The following VPS11 variants were observed in gnomAD, a reference collection of about 807,000 sequenced individuals.
The protein encoded by VPS11 is VPS11 core subunit of CORVET and HOPS complexes, also known as vacuolar protein sorting-associated protein 11 homolog.
A neutral mutation model predicts 106.8 loss-of-function variants in VPS11; 51 were observed. That is an observed-to-expected ratio of 0.48 (90% confidence interval 0.38 to 0.60). The LOEUF (loss-of-function observed/expected upper bound fraction) is 0.60. VPS11 is among the 20% of genes least tolerant of loss of function. The probability of loss-of-function intolerance (pLI) is 0.00; values close to 1 mark genes in which losing one functional copy is unlikely to be tolerated. For synonymous variants in VPS11, 453 were observed against 458.7 expected (o/e 0.99, Z 0.16); for missense variants, 950 against 1,190.0 (o/e 0.80, Z 2.97).
At chr11:119,069,954 C>A (rs1309430596) in intron 3 of VPS11, among the ~76,000 whole-genome samples, 1 of 150,834 alleles carries the variant, frequency 6.6e-6, no homozygotes, top group Non-Finnish European at 1.5e-5. Context: ...GCCAAGATCG[C>A]GCCATTGCAC....
At chr11:119,080,801 C>T (rs1265674394) in intron 14 of VPS11, among the ~76,000 whole-genome samples, 3 of 152,188 alleles carry the variant, frequency 2.0e-5, no homozygotes, top group Non-Finnish European at 2.9e-5. Flanking sequence ...GTGAAAGGGT[C>T]ACATCTGAGT....
At position 119,068,443 on chromosome 11, in the gene VPS11, C is replaced by CTTTTTTTTTTTT. The variant is rs1945208004; in HGVS notation, c.187+433_187+434insTTTTTTTTTTTT. Among the ~76,000 whole-genome samples, 3 of 35,796 alleles carry CTTTTTTTTTTTT rather than the reference C, an allele frequency of 8.4e-5. 1 individual carries two copies. The highest frequency in any genetic ancestry group is 8.2e-5 in the Non-Finnish European group (1 of 12,250). 23.5% of individuals were successfully genotyped at this position (35,796 alleles called of 152,430 possible). ...CTGCTACTAAATTCTGGCCTTTTTA[C>CTTTTTTTTTTTT]CTTTTTTTTTTTTTTTTTTTTTTTG... On this transcript the variant is annotated intron_variant, in intron 1 of 15. Coordinates refer to ENST00000621676, the MANE Select transcript of VPS11 (RefSeq NM_021729.6).
At position 119,070,300 on chromosome 11, in the gene VPS11, A is replaced by G; in HGVS notation, c.539A>G (p.Gln180Arg). ...ACCCGGGACCGGCATAGCAAGACCC[A>G]GATTTTGCACAAGGGCAACTATCCT... ...DITRDRHSKT[Q>R]ILHKGNYPVT... is the part of the protein sequence containing the mutation. Residue 180 changes from glutamine (Q) to arginine (R), a missense_variant, in exon 4 of 16, where the codon CAG becomes CGG. By Grantham distance (43) the Gln-to-Arg change is conservative. Transcript: ENST00000621676. 3 of 1,613,398 alleles carry G rather than the reference A, an allele frequency of 1.9e-6. No homozygotes were observed. Among genetic ancestry groups the G allele is most frequent in the Non-Finnish European group, 1.7e-6 (2 of 1,179,554 alleles).
At chr11:119,071,447 A>G (rs1945388669) in intron 4 of VPS11, 149 bp from the exon 5 acceptor site, 1 of 894,398 alleles carries the variant, frequency 1.1e-6, no homozygotes, top group African/African-American at 1.7e-5. Flanking sequence ...TAGATGGGTA[A>G]TGGTTAATGA....
At chr11:119,075,794 C>G (rs1198909902) in intron 7 of VPS11, among the ~76,000 whole-genome samples, 2 of 151,754 alleles carry the variant, frequency 1.3e-5, no homozygotes, top group African/African-American at 2.4e-5. Flanking sequence ...CCCAGCCACT[C>G]GCAAAGCTGA....
chr11:119,073,090 A>G (rs536188642), intron 5 of VPS11, 108 bp from the exon 6 acceptor site: 3 of 1,247,896 alleles, frequency 2.4e-6, no homozygotes, highest in East Asian at 2.5e-5. Context: ...GGGACCAGAG[A>G]GGTGATTTGT....
chr11:119,072,052 G>A lies in VPS11; in HGVS notation c.884+209G>A, dbSNP rs1484963889. The A allele has an allele frequency of 1.1e-4, 58 of 535,484 alleles. 1 individual carries two copies. The South Asian group carries it at 1.2e-3, about 11-fold the overall frequency. The allele number at this position is 535,484 out of a possible 1,614,324, so 33.2% of individuals were successfully genotyped here. ...CGTGATCTCGGCTCACTGCAGCCTCGCCTCCTGGGTTCCAGTGATACTCCT... is the reference window on the plus strand; with the variant it reads ...CGTGATCTCGGCTCACTGCAGCCTCACCTCCTGGGTTCCAGTGATACTCCT... On this transcript the variant is annotated intron_variant, in intron 5 of 15. Coordinates refer to ENST00000621676, the MANE Select transcript of VPS11 (RefSeq NM_021729.6).
intron 14 of VPS11, among the ~76,000 whole-genome samples, chr11:119,080,296 G>C (rs373354420): frequency 6.6e-5 from 10 of 152,220 alleles, no homozygotes; most frequent in African/African-American, 2.4e-4. Context: ...GACTTCAGGG[G>C]ATCTGCCTGC....
intron 3 of VPS11, 33 bp from the exon 4 acceptor site, chr11:119,070,201 C>T: frequency 6.3e-7 from 1 of 1,581,572 alleles, no homozygotes; most frequent in Non-Finnish European, 8.6e-7. Context: ...ATCTTTTCAG[C>T]CTTACTGAAG....
intron 14 of VPS11, 128 bp from the exon 15 acceptor site, chr11:119,080,964 C>T: frequency 1.3e-6 from 1 of 782,424 alleles, no homozygotes; most frequent in Non-Finnish European, 2.2e-6. Flanking sequence ...ATAAGAAGAG[C>T]AGGGCAGGGC....
At chr11:119,080,880 T>G (rs782014596) in intron 14 of VPS11, among the ~76,000 whole-genome samples, 1 of 152,198 alleles carries the variant, frequency 6.6e-6, no homozygotes, top group Non-Finnish European at 1.5e-5. Flanking sequence ...CCAGGCTGAG[T>G]TGGCCTTGTT....
At chr11:119,073,006 C>T (rs1172380532) in intron 5 of VPS11, 192 bp from the exon 6 acceptor site, 12 of 618,136 alleles carry the variant, frequency 1.9e-5, no homozygotes, top group South Asian at 1.6e-4. Flanking sequence ...TTGTAGGATC[C>T]TAAAGGGTAA....
intron 13 of VPS11, 41 bp from the exon 14 acceptor site, chr11:119,079,088 C>T (rs754746754): frequency 1.9e-6 from 3 of 1,612,018 alleles, no homozygotes; most frequent in Middle Eastern, 1.7e-4. Flanking sequence ...GAGTGCCACA[C>T]GTGGTTGATT....
At chr11:119,078,149 CT>C in intron 10 of VPS11, 23 bp from the exon 11 acceptor site, 1 of 1,611,660 alleles carries the variant, frequency 6.2e-7, no homozygotes. Context: ...ATTCAGCCTC[CT>C]TTTTCCTCTC....
chr11:119,069,992 C>G (rs1276118221), intron 3 of VPS11, among the ~76,000 whole-genome samples: 1 of 29,370 alleles, frequency 3.4e-5, no homozygotes. Flanking sequence ...GAGCAAAACT[C>G]TGTCTCAAAA....
chr11:119,073,232 G>A lies in VPS11; in HGVS notation c.919G>A (p.Asp307Asn), dbSNP rs782716553. The A allele has an allele frequency of 5.6e-6, 9 of 1,613,558 alleles. 1 individual carries two copies. Among genetic ancestry groups the A allele is most frequent in the Admixed American group, 3.3e-5 (2 of 59,906 alleles). ...TACCAGCAGGGATTCACAGAGCTCC[G>A]ACAAGCAGATTCTAAACATCTATGA... ...EFTSRDSQSSDKQILNIYDLC... is the reference protein window; with the variant it reads ...EFTSRDSQSSNKQILNIYDLC... Residue 307 changes from aspartate (D) to asparagine (N), a missense_variant, in exon 6 of 16, where the codon GAC becomes AAC. Asp to Asn is a conservative substitution (Grantham distance 23). Coordinates refer to ENST00000621676, the MANE Select transcript of VPS11 (RefSeq NM_021729.6).
At chr11:119,072,465 A>T (rs1316681152) in intron 5 of VPS11, 1 of 153,560 alleles carries the variant, frequency 6.5e-6, no homozygotes, top group Non-Finnish European at 1.4e-5. Context: ...ATCTCGGCTC[A>T]CTGCAAGCTC....
At position 119,069,498 on chromosome 11, in the gene VPS11, C is replaced by A. The variant is rs782294886; in HGVS notation, c.393C>A (p.Ile131=). Reference sequence around the variant, plus strand: ...GTGGCAATCCACTCTGCACTCGAATCTTCCCTGCTATTCCAGGAACAGAGC... The same window carrying A: ...GTGGCAATCCACTCTGCACTCGAATATTCCCTGCTATTCCAGGAACAGAGC... ...RDGGNPLCTR[I]FPAIPGTEPT... The change falls in exon 3 of 16, where the codon ATC becomes ATA. Residue 131 remains isoleucine, a synonymous_variant. Coordinates refer to ENST00000621676, the MANE Select transcript of VPS11 (RefSeq NM_021729.6). The A allele has an allele frequency of 6.2e-6, 10 of 1,613,928 alleles. No homozygotes were observed. In the Admixed American group the frequency reaches 1.2e-4, roughly 19 times the overall value.
At chr11:119,069,669 C>G in intron 3 of VPS11, 92 bp downstream of exon 3, 4 of 1,557,970 alleles carry the variant, frequency 2.6e-6, no homozygotes, top group Non-Finnish European at 3.5e-6. Flanking sequence ...TTCAGGAGAC[C>G]ACTTTGTACT....
Sources: gnomAD v4.1 joint callset for allele counts (sites outside exome capture counted in the v4.1 genomes callset) on GRCh38, gnomAD v4.1.1 for gene constraint, MANE v1.5 for transcripts, NCBI Gene and HGNC (gene_info 2026-07-23, HGNC 2026-07-21) for gene names.